TYW1B: variants seen among roughly 807,000 people sequenced by gnomAD.
TYW1B encodes tRNA-yW synthesizing protein 1 homolog B.
A neutral mutation model predicts 86.9 loss-of-function variants in TYW1B; 73 were observed. The ratio of observed to expected loss-of-function variants is 0.84; its 90% CI spans 0.70 to 1.02. The LOEUF (loss-of-function observed/expected upper bound fraction) is 1.02. Ranked by LOEUF, TYW1B falls within the 50% of genes least tolerant of loss-of-function variation. The pLI is 0.00. For synonymous variants in TYW1B, 248 were observed against 292.8 expected (o/e 0.85, Z 1.56); for missense variants, 637 against 827.4 (o/e 0.77, Z 2.82).
chr7:72,625,900 G>GGT (rs1196012237), intron 12 of TYW1B, among the ~76,000 whole-genome samples: 1 of 81,464 alleles, frequency 1.2e-5, no homozygotes, highest in East Asian at 3.2e-4. Context: ...GTGGGGCGGG[G>GGT]GGGGGGGAAG....
intron 12 of TYW1B, among the ~76,000 whole-genome samples, chr7:72,620,597 G>A (rs1306292272): frequency 6.6e-6 from 1 of 152,046 alleles, no homozygotes; most frequent in African/African-American, 2.4e-5. Context: ...GGCTCTGTCT[G>A]GTTTTCTCTC....
At position 72,819,835 on chromosome 7, in the gene TYW1B, C is replaced by T. The variant is rs535749637; in HGVS notation, c.136-4354G>A. On this transcript the variant is annotated intron_variant, in intron 2 of 13. Coordinates refer to ENST00000620995, the MANE Select transcript of TYW1B (RefSeq NM_001145440.3). ...ACAAAATCATCAGATTCTCCAAAGT[C>T]GAAATGAAAGAAAAAATGTTAAAGG... is the stretch of plus-strand genomic sequence containing the variant. 9.0e-4 allele frequency among the ~76,000 whole-genome samples: 137 copies of T among 152,006 alleles called. 1 individual carries two copies. Among genetic ancestry groups the T allele is most frequent in the African/African-American group, 3.2e-3 (131 of 41,448 alleles).
chr7:72,658,313 C>T (rs1333239286), intron 11 of TYW1B, among the ~76,000 whole-genome samples: 1 of 149,800 alleles, frequency 6.7e-6, no homozygotes, highest in Non-Finnish European at 1.5e-5. Flanking sequence ...TAAAATGCAA[C>T]TAATTTAACA....
chr7:72,769,646 C>T (rs115160325), intron 7 of TYW1B, among the ~76,000 whole-genome samples: 124 of 152,302 alleles, frequency 8.1e-4, no homozygotes, highest in African/African-American at 2.8e-3. Context: ...TCACAGTGCA[C>T]ATTCAACAAA....
intron 11 of TYW1B, among the ~76,000 whole-genome samples, chr7:72,683,147 G>A (rs2960947): frequency 0.8 from 121,753 of 152,066 alleles, 49,260 homozygotes; most frequent in Middle Eastern, 0.87. Flanking sequence ...TCCAGCCAGC[G>A]CCGGCCTTCC....
rs143643484 is a variant in TYW1B at position 72,668,845 on chromosome 7, T to A, written c.1506+25842A>T. ...AGTTCCGCTATCACTTCTTGCAGAATGCCTTTTCTGATGTCAATGTCAGCA... is the reference window on the plus strand; with the variant it reads ...AGTTCCGCTATCACTTCTTGCAGAAAGCCTTTTCTGATGTCAATGTCAGCA... On this transcript the variant is annotated intron_variant, in intron 11 of 13. Transcript: ENST00000620995. Among the ~76,000 whole-genome samples, 699 of 152,336 alleles carry A rather than the reference T, an allele frequency of 4.6e-3. 10 individuals are homozygous for A. The highest frequency in any genetic ancestry group is 0.015 in the African/African-American group (643 of 41,588).
chr7:72,634,071 A>G (rs1554440378), intron 11 of TYW1B, among the ~76,000 whole-genome samples: 2 of 152,140 alleles, frequency 1.3e-5, no homozygotes, highest in Non-Finnish European at 2.9e-5. Context: ...GCCACATTGT[A>G]TGAACACACT....
intron 11 of TYW1B, among the ~76,000 whole-genome samples, chr7:72,666,548 T>G (rs1474703136): frequency 6.6e-6 from 1 of 152,124 alleles, no homozygotes; most frequent in Admixed American, 6.5e-5. Flanking sequence ...ATAGGAAATA[T>G]ATACCCAATA....
chr7:72,804,895 C>T (rs1284766386), intron 5 of TYW1B, among the ~76,000 whole-genome samples: 4 of 152,276 alleles, frequency 2.6e-5, no homozygotes, highest in East Asian at 3.9e-4. Flanking sequence ...CTGTCCTAGA[C>T]TCTCCTTGAT....
chr7:72,675,822 A>G (rs139844340), intron 11 of TYW1B, among the ~76,000 whole-genome samples: 38 of 152,252 alleles, frequency 2.5e-4, no homozygotes, highest in African/African-American at 8.7e-4. Context: ...ATCTTCCTCT[A>G]GTACTAATAA....
chr7:72,806,948 C>G (rs1403698631), intron 5 of TYW1B, 118 bp downstream of exon 5: 20 of 1,398,726 alleles, frequency 1.4e-5, no homozygotes, highest in Non-Finnish European at 1.9e-5. Context: ...CCACTGCACT[C>G]AGCCAGATCT....
At chr7:72,592,984 A>G (rs1811432099) in intron 13 of TYW1B, among the ~76,000 whole-genome samples, 1 of 152,330 alleles carries the variant, frequency 6.6e-6, no homozygotes, top group African/African-American at 2.4e-5. Flanking sequence ...CATAGATACA[A>G]CAACCAGAGA....
Position 72,717,194 on chromosome 7 carries a change from A to T in TYW1B, c.1193-3396T>A, listed in dbSNP as rs578100827. ...TGCATGCTCGTAGGCCCAGCTACTCAGGAGGCTGAGGCAGAAGAATCACTT... is the reference window on the plus strand; with the variant it reads ...TGCATGCTCGTAGGCCCAGCTACTCTGGAGGCTGAGGCAGAAGAATCACTT... On this transcript the variant is annotated intron_variant, in intron 9 of 13. Transcript: ENST00000620995. 3.0e-4 allele frequency among the ~76,000 whole-genome samples: 46 copies of T among 151,932 alleles called. 1 individual carries two copies. The East Asian group carries it at 8.0e-3, about 27-fold the overall frequency.
chr7:72,749,085 A>G (rs1554464380), intron 7 of TYW1B, among the ~76,000 whole-genome samples: 4 of 152,220 alleles, frequency 2.6e-5, no homozygotes, highest in Non-Finnish European at 5.9e-5. Context: ...GAGGCTTTTA[A>G]TTACAAAATC....
intron 7 of TYW1B, among the ~76,000 whole-genome samples, chr7:72,747,325 A>G (rs1422175197): frequency 2.4e-4 from 37 of 152,238 alleles, no homozygotes; most frequent in Admixed American, 7.2e-4. Flanking sequence ...TGTAAAAAGT[A>G]CCTTTTGCCT....
At chr7:72,660,152 A>G (rs1189175101) in intron 11 of TYW1B, among the ~76,000 whole-genome samples, 3 of 152,134 alleles carry the variant, frequency 2.0e-5, no homozygotes, top group Non-Finnish European at 2.9e-5. Context: ...AGAAGATCAC[A>G]TGAGCCAGGA....
chr7:72,712,365 G>C (rs1164304718), intron 10 of TYW1B, among the ~76,000 whole-genome samples: 2 of 152,082 alleles, frequency 1.3e-5, no homozygotes, highest in African/African-American at 4.8e-5. Context: ...TTTCACTCTT[G>C]TTGCCCAGGC....
At chr7:72,647,595 T>C (rs1171059231) in intron 11 of TYW1B, among the ~76,000 whole-genome samples, 1 of 152,190 alleles carries the variant, frequency 6.6e-6, no homozygotes, top group Admixed American at 6.5e-5. Context: ...AGGGTCAATC[T>C]AGATGTGACT....
At chr7:72,676,576 G>A (rs1813740508) in intron 11 of TYW1B, among the ~76,000 whole-genome samples, 1 of 152,150 alleles carries the variant, frequency 6.6e-6, no homozygotes, top group South Asian at 2.1e-4. Context: ...GGTGCTGGAA[G>A]AGCAGCAGCC....
Sources: allele counts gnomAD v4.1 joint callset (sites outside exome capture counted in the v4.1 genomes callset), GRCh38; gene constraint gnomAD v4.1.1; transcripts MANE v1.5; gene names NCBI Gene and HGNC (gene_info 2026-07-23, HGNC 2026-07-21).